FTO: variants seen among roughly 807,000 people sequenced by gnomAD.
FTO encodes alpha-ketoglutarate-dependent dioxygenase FTO.
Under a neutral mutation model 63.9 loss-of-function variants are expected in FTO, and 47 were observed. The observed-to-expected ratio is 0.74, with a 90% CI of 0.58 to 0.94. FTO has a LOEUF of 0.94. Among genes scored for constraint, FTO ranks in the 40% least tolerant of loss-of-function variants. The pLI is 0.00. For synonymous variants in FTO, 207 were observed against 224.4 expected, an observed-to-expected ratio of 0.92 and a Z score of 0.69; for missense variants, 562 against 618.1, an observed-to-expected ratio of 0.91 and a Z score of 0.96.
chr16:54,068,663 G>A (rs141319629), intron 8 of FTO, among the ~76,000 whole-genome samples: 1 of 152,262 alleles, frequency 6.6e-6, no homozygotes, highest in Admixed American at 6.6e-5. Context: ...GAGTTCAATA[G>A]CAGTGCTAAC....
intron 2 of FTO, among the ~76,000 whole-genome samples, chr16:53,823,930 C>T (rs1054056612): frequency 3.9e-5 from 6 of 151,996 alleles, no homozygotes; most frequent in Non-Finnish European, 7.4e-5. Context: ...TTTTTTTATC[C>T]CTTACATCTA....
intron 8 of FTO, among the ~76,000 whole-genome samples, chr16:54,078,814 G>A (rs2086065290): frequency 6.6e-6 from 1 of 152,202 alleles, no homozygotes; most frequent in East Asian, 1.9e-4. Context: ...TGGGTCACTT[G>A]AGGCCAGAAG....
chr16:54,110,560 G>A (rs1567577772), intron 8 of FTO, among the ~76,000 whole-genome samples: 2 of 152,192 alleles, frequency 1.3e-5, no homozygotes, highest in Admixed American at 1.3e-4. Context: ...TTTTCCCCGG[G>A]GGGATCCCCT....
intron 1 of FTO, among the ~76,000 whole-genome samples, chr16:53,777,864 G>T (rs897014994): frequency 6.6e-6 from 1 of 152,126 alleles, no homozygotes; most frequent in South Asian, 2.1e-4. Flanking sequence ...ACTCAAGTCC[G>T]ATTAACCAGA....
intron 8 of FTO, among the ~76,000 whole-genome samples, chr16:53,950,177 A>AAAAAAAAAAAAAAAAAAAAAAAAAAAC: frequency 6.8e-6 from 1 of 147,742 alleles, no homozygotes; most frequent in Non-Finnish European, 1.5e-5. Context: ...AAAAAAAAAA[A>AAAAAAAAAAAAAAAAAAAAAAAAAAAC]AACTTAATCC....
At chr16:53,748,351 T>C (rs886936143) in intron 1 of FTO, among the ~76,000 whole-genome samples, 21 of 152,220 alleles carry the variant, frequency 1.4e-4, no homozygotes, top group African/African-American at 5.1e-4. Flanking sequence ...TAATGTTTTA[T>C]TGTTTTCAGT....
chr16:53,816,087 G>A (rs1427753293), intron 2 of FTO, among the ~76,000 whole-genome samples: 1 of 151,996 alleles, frequency 6.6e-6, no homozygotes, highest in Non-Finnish European at 1.5e-5. Context: ...ATCCTTCCTT[G>A]CCTTTGTGCC....
At chr16:54,012,945 A>G (rs1186451769) in intron 8 of FTO, among the ~76,000 whole-genome samples, 4 of 152,198 alleles carry the variant, frequency 2.6e-5, no homozygotes, top group African/African-American at 9.6e-5. Context: ...GCCTGCTAAC[A>G]CAACACCCAT....
At chr16:54,092,431 T>TA (rs1190597106) in intron 8 of FTO, among the ~76,000 whole-genome samples, 1 of 152,000 alleles carries the variant, frequency 6.6e-6, no homozygotes, top group Admixed American at 6.6e-5. Flanking sequence ...CTGAGGGGGG[T>TA]AGGAGAGAAG....
chr16:53,979,923 A>G (rs2083505041), intron 8 of FTO, among the ~76,000 whole-genome samples: 1 of 152,184 alleles, frequency 6.6e-6, no homozygotes, highest in South Asian at 2.1e-4. Flanking sequence ...ATTTGCTTCC[A>G]CAGGAAGCCT....
intron 1 of FTO, among the ~76,000 whole-genome samples, chr16:53,723,322 A>G (rs976943603): frequency 1.3e-5 from 2 of 152,208 alleles, no homozygotes; most frequent in African/African-American, 2.4e-5. Context: ...ATGATATAGT[A>G]TGCTGAAAAC....
intron 8 of FTO, chr16:53,998,457 C>T (rs947445698): frequency 2.6e-5 from 4 of 152,244 alleles, no homozygotes; most frequent in African/African-American, 9.6e-5. Flanking sequence ...TATAAACCAG[C>T]ATCTACATAG....
chr16:54,106,735 AATAT>A (rs2086762151), intron 8 of FTO, among the ~76,000 whole-genome samples: 1 of 135,720 alleles, frequency 7.4e-6, no homozygotes, highest in East Asian at 2.1e-4. Context: ...TTATATATTA[AATAT>A]ATAAAATATA....
intron 8 of FTO, among the ~76,000 whole-genome samples, chr16:54,067,464 G>A (rs1428789239): frequency 6.6e-6 from 1 of 152,194 alleles, no homozygotes. Flanking sequence ...TATTGCAAAG[G>A]TTAGTTTACG....
chr16:53,758,791 G>A (rs1433553504), intron 1 of FTO, among the ~76,000 whole-genome samples: 1 of 152,088 alleles, frequency 6.6e-6, no homozygotes, highest in Non-Finnish European at 1.5e-5. Flanking sequence ...TATTCCCAGA[G>A]AGATGAGAGA....
chr16:53,798,598 T>C (rs1305426905), intron 1 of FTO, among the ~76,000 whole-genome samples: 1 of 152,222 alleles, frequency 6.6e-6, no homozygotes, highest in African/African-American at 2.4e-5. Context: ...AATTTTTGTA[T>C]ATTGATATTG....
At chr16:54,072,705 T>C (rs1279287400) in intron 8 of FTO, among the ~76,000 whole-genome samples, 1 of 152,090 alleles carries the variant, frequency 6.6e-6, no homozygotes. Flanking sequence ...CAGGCTGTAG[T>C]TTTGTGCCCC....
chr16:53,953,949 C>T (rs556360500), intron 8 of FTO, among the ~76,000 whole-genome samples: 21 of 152,336 alleles, frequency 1.4e-4, no homozygotes, highest in Middle Eastern at 3.4e-3. Flanking sequence ...TAGTAAAATA[C>T]GCTTCGGAAG....
At chr16:53,810,321 G>T in intron 2 of FTO, 104 bp downstream of exon 2, 1 of 783,972 alleles carries the variant, frequency 1.3e-6, no homozygotes, top group Non-Finnish European at 2.3e-6. Flanking sequence ...CAGGTGAAAA[G>T]GTCAAATTAG....
Sources: allele counts gnomAD v4.1 joint callset (sites outside exome capture counted in the v4.1 genomes callset), GRCh38; gene constraint gnomAD v4.1.1; transcripts MANE v1.5; gene names NCBI Gene and HGNC (gene_info 2026-07-23, HGNC 2026-07-21).